The following SPICE1 variants were observed in gnomAD, a reference collection of about 807,000 sequenced individuals.
The protein encoded by SPICE1 is spindle and centriole-associated protein 1.
SPICE1 carries 75 observed loss-of-function variants against 102.7 expected under a neutral mutation model. That is an observed-to-expected ratio of 0.73 (90% CI 0.61 to 0.88). The LOEUF (loss-of-function observed/expected upper bound fraction) is 0.88, where lower values mean the gene tolerates loss of function less well. Ranked by LOEUF, SPICE1 falls within the 40% of genes least tolerant of loss-of-function variation. The pLI is 0.00. For missense variants in SPICE1, 979 were observed against 1,020.1 expected, an observed-to-expected ratio of 0.96 and a Z score of 0.55; for synonymous variants, 308 against 350.3, an observed-to-expected ratio of 0.88 and a Z score of 1.35.
At position 113,442,724 on chromosome 3, in the gene SPICE1, T is replaced by C. The variant is rs1935412404; in HGVS notation, c.*2583A>G. ...TAAAATTGGCAAGAAAAAATTGCTA[T>C]AATACAATTTGTGTTTATTAGTTTC... On this transcript the variant is annotated 3_prime_UTR_variant, in exon 18 of 18. Coordinates refer to ENST00000295872, the MANE Select transcript of SPICE1 (RefSeq NM_144718.4). The C allele has an allele frequency of 6.6e-6, 1 of 152,238 alleles. No individual in the cohort carries two copies. The highest frequency in any genetic ancestry group is 1.5e-5 in the Non-Finnish European group (1 of 68,044). 9.4% of individuals were successfully genotyped at this position (152,238 alleles called of 1,614,324 possible).
chr3:113,471,021 G>A (rs1215079007), intron 7 of SPICE1, among the ~76,000 whole-genome samples: 1 of 152,178 alleles, frequency 6.6e-6, no homozygotes, highest in Non-Finnish European at 1.5e-5. Context: ...TTTAGATGAT[G>A]AGATTTGGGA....
At chr3:113,498,228 G>A (rs1194082132) in intron 4 of SPICE1, among the ~76,000 whole-genome samples, 1 of 152,132 alleles carries the variant, frequency 6.6e-6, no homozygotes, top group Non-Finnish European at 1.5e-5. Context: ...CTAATGTGCA[G>A]TGAGAGTTGA....
rs551317961 is a variant in SPICE1, at chr3:113,468,363, T to C, written c.931A>G (p.Lys311Glu). ...GTTGTGCTACCTGATGATATGTTTT[T>C]CTTCGGCTTGGAAAGAGCATGCAAA... is the stretch of plus-strand genomic sequence containing the variant. ...PNLHALSKPK[K>E]NISSGSTTSA... Residue 311 changes from lysine to glutamate, a missense_variant, in exon 10 of 18, where the codon AAA becomes GAA. Physicochemically the swap from Lys to Glu is moderately conservative, Grantham distance 56. Coordinates refer to ENST00000295872, the MANE Select transcript of SPICE1 (RefSeq NM_144718.4). 1 of 1,614,222 alleles carries C rather than the reference T, an allele frequency of 6.2e-7. No individual in the cohort carries two copies. The highest frequency in any genetic ancestry group is 8.5e-7 in the Non-Finnish European group (1 of 1,180,036).
chr3:113,509,326 T>G (rs771677380), intron 1 of SPICE1, among the ~76,000 whole-genome samples: 1 of 152,216 alleles, frequency 6.6e-6, no homozygotes, highest in Non-Finnish European at 1.5e-5. Flanking sequence ...TAACCACTTA[T>G]ATCTCCAATT....
At chr3:113,479,167 T>C (rs1176493005) in intron 7 of SPICE1, among the ~76,000 whole-genome samples, 2 of 136,222 alleles carry the variant, frequency 1.5e-5, no homozygotes, top group East Asian at 2.3e-4. Flanking sequence ...GATGTTCCCC[T>C]TCCTGTGGCC....
intron 12 of SPICE1, among the ~76,000 whole-genome samples, chr3:113,459,227 TTAAGAG>T (rs1935865837): frequency 6.6e-6 from 1 of 152,026 alleles, no homozygotes. Context: ...AGCATACTCG[TTAAGAG>T]TCATCACCAC....
chr3:113,486,758 T>C (rs192171148), intron 7 of SPICE1, among the ~76,000 whole-genome samples: 1 of 151,576 alleles, frequency 6.6e-6, no homozygotes, highest in African/African-American at 2.4e-5. Flanking sequence ...ACATGCACAT[T>C]TATTGTCAAT....
chr3:113,477,049 A>C (rs945213242), intron 7 of SPICE1, among the ~76,000 whole-genome samples: 1 of 151,926 alleles, frequency 6.6e-6, no homozygotes, highest in Non-Finnish European at 1.5e-5. Context: ...ACAAAGGGCT[A>C]ATATCCAGAA....
chr3:113,496,703 G>T (rs907975634), intron 4 of SPICE1, among the ~76,000 whole-genome samples: 1 of 152,156 alleles, frequency 6.6e-6, no homozygotes, highest in Non-Finnish European at 1.5e-5. Context: ...AGGTGGATGG[G>T]TCCTGTTAGC....
chr3:113,464,007 G>A (rs1413485824), intron 11 of SPICE1, among the ~76,000 whole-genome samples: 1 of 152,018 alleles, frequency 6.6e-6, no homozygotes, highest in Non-Finnish European at 1.5e-5. Context: ...GGCAGAGCTT[G>A]CAGTGAGCTG....
chr3:113,512,094 C>A (rs756561793), intron 1 of SPICE1, among the ~76,000 whole-genome samples: 1 of 152,172 alleles, frequency 6.6e-6, no homozygotes, highest in Admixed American at 6.5e-5. Flanking sequence ...TACTGGCCAA[C>A]GACTTGATTA....
intron 7 of SPICE1, among the ~76,000 whole-genome samples, chr3:113,477,540 T>C (rs528708226): frequency 6.6e-6 from 1 of 151,778 alleles, no homozygotes; most frequent in African/African-American, 2.4e-5. Context: ...CCAACCCAAA[T>C]GTCCAACAAC....
chr3:113,448,182 G>A, intron 15 of SPICE1, 42 bp from the exon 16 acceptor site: 1 of 1,491,620 alleles, frequency 6.7e-7, no homozygotes, highest in Non-Finnish European at 9.0e-7. Context: ...ACCTTTCAAT[G>A]AAATAAAAAT....
At chr3:113,449,818 A>G (rs1259962406) in intron 15 of SPICE1, 1 of 155,022 alleles carries the variant, frequency 6.5e-6, no homozygotes, top group African/African-American at 2.4e-5. Flanking sequence ...AACTTGATAC[A>G]TACTTCGTTT....
chr3:113,481,848 G>C (rs897541112), intron 7 of SPICE1, among the ~76,000 whole-genome samples: 2 of 152,132 alleles, frequency 1.3e-5, no homozygotes, highest in East Asian at 3.9e-4. Context: ...CCAAGTCTCT[G>C]TTATTGTGAA....
intron 10 of SPICE1, 83 bp downstream of exon 10, chr3:113,468,056 T>C: frequency 6.6e-7 from 1 of 1,517,674 alleles, no homozygotes; most frequent in Non-Finnish European, 8.9e-7. Flanking sequence ...TGTACTTTAT[T>C]TGGAGGTTGC....
intron 13 of SPICE1, among the ~76,000 whole-genome samples, chr3:113,455,624 A>T (rs1305108407): frequency 2.0e-5 from 3 of 152,222 alleles, no homozygotes; most frequent in Admixed American, 2.0e-4. Context: ...GAAGGGCCCT[A>T]TGTATCACCC....
At chr3:113,500,960 T>C (rs762166583) in intron 3 of SPICE1, among the ~76,000 whole-genome samples, 4 of 152,298 alleles carry the variant, frequency 2.6e-5, no homozygotes, top group East Asian at 1.9e-4. Flanking sequence ...TAGGTAGTAA[T>C]AGTTCAGAGG....
intron 11 of SPICE1, among the ~76,000 whole-genome samples, chr3:113,461,360 T>A (rs908137810): frequency 6.6e-6 from 1 of 151,912 alleles, no homozygotes; most frequent in African/African-American, 2.4e-5. Flanking sequence ...CATAAGGTTT[T>A]TTTTTTTCTA....
Sources: allele counts gnomAD v4.1 joint callset (sites outside exome capture counted in the v4.1 genomes callset), GRCh38; gene constraint gnomAD v4.1.1; transcripts MANE v1.5; gene names NCBI Gene and HGNC (gene_info 2026-07-23, HGNC 2026-07-21).